VGLL3: variants seen among roughly 807,000 people sequenced by gnomAD.
The protein encoded by VGLL3 is vestigial like family member 3.
A neutral mutation model predicts 29.2 loss-of-function variants in VGLL3; 18 were observed. That is an observed-to-expected ratio of 0.62 (90% CI 0.43 to 0.91). VGLL3 has a LOEUF of 0.91. Ranked by LOEUF, VGLL3 falls within the 40% of genes least tolerant of loss-of-function variation. The pLI is 0.00. For synonymous variants in VGLL3, 180 were observed against 151.8 expected (o/e 1.19, Z -1.36); for missense variants, 440 against 413.2 (o/e 1.06, Z -0.56).
At position 86,943,566 on chromosome 3, in the gene VGLL3, ACTC is replaced by A. The variant is rs1177980379; in HGVS notation, c.*3455_*3457del. 1 of 152,018 alleles carries A rather than the reference ACTC, an allele frequency of 6.6e-6. No individual in the cohort carries two copies. The highest frequency in any genetic ancestry group is 2.4e-5 in the African/African-American group (1 of 41,380). The allele number at this position is 152,018 out of a possible 1,614,324, so 9.4% of individuals were successfully genotyped here. ...TAAATCCCTCAATTATTTGCAATCC[ACTC>A]CTCATTTTGCAAATTTTAGAGCAAT... On this transcript the variant is annotated 3_prime_UTR_variant, in exon 4 of 4. Transcript: ENST00000398399.
chr3:86,956,429 T>C (rs865846196), intron 3 of VGLL3, among the ~76,000 whole-genome samples: 1 of 152,198 alleles, frequency 6.6e-6, no homozygotes, highest in Non-Finnish European at 1.5e-5. Context: ...AGCTAGTTGA[T>C]GACAACTCCT....
At chr3:86,963,456 T>C (rs574701629) in intron 3 of VGLL3, among the ~76,000 whole-genome samples, 3 of 152,204 alleles carry the variant, frequency 2.0e-5, no homozygotes, top group Non-Finnish European at 4.4e-5. Flanking sequence ...GAGTTATTCC[T>C]AAGAGGAATA....
At chr3:86,958,767 T>C (rs1704777903) in intron 3 of VGLL3, among the ~76,000 whole-genome samples, 1 of 152,190 alleles carries the variant, frequency 6.6e-6, no homozygotes, top group African/African-American at 2.4e-5. Flanking sequence ...TTTGCATGCA[T>C]CTCAAAGATG....
Position 86,946,638 on chromosome 3 carries a change from A to G in VGLL3, c.*386T>C, listed in dbSNP as rs1444339762. On this transcript the variant is annotated 3_prime_UTR_variant, in exon 4 of 4. Transcript: ENST00000398399. ...TGTATTTCTACAAAAATAGATGCAC[A>G]TAGAGCTACAAACTTGTATTCCTGA... The G allele has an allele frequency of 1.2e-5, 2 of 160,682 alleles. No homozygotes were observed. Among genetic ancestry groups the G allele is most frequent in the Non-Finnish European group, 2.7e-5 (2 of 73,856 alleles). The allele number at this position is 160,682 out of a possible 1,614,324, so 10.0% of individuals were successfully genotyped here.
Position 86,989,577 on chromosome 3 carries a change from G to T in VGLL3, c.126+1041C>A, listed in dbSNP as rs180937323. ...TAACAGCCCAAACCTAAGAAGGTTTGCAATAAAACATGTGGTACCTAAGAA... is the reference window on the plus strand; with the variant it reads ...TAACAGCCCAAACCTAAGAAGGTTTTCAATAAAACATGTGGTACCTAAGAA... On this transcript the variant is annotated intron_variant, in intron 1 of 3. Transcript: ENST00000398399. 3.9e-5 allele frequency among the ~76,000 whole-genome samples: 6 copies of T among 152,278 alleles called. No homozygotes were observed. In the East Asian group the frequency reaches 1.2e-3, roughly 29 times the overall value.
At chr3:86,966,161 G>A (rs1704954991) in intron 3 of VGLL3, among the ~76,000 whole-genome samples, 1 of 151,992 alleles carries the variant, frequency 6.6e-6, no homozygotes. Context: ...CAAGGCTTAG[G>A]CCTTGGATTA....
chr3:86,976,873 T>A, intron 2 of VGLL3, among the ~76,000 whole-genome samples: 1 of 152,218 alleles, frequency 6.6e-6, no homozygotes. Flanking sequence ...CTGATTATCT[T>A]AATAGGATTC....
chr3:86,979,204 A>G (rs763949286), intron 1 of VGLL3, among the ~76,000 whole-genome samples: 3 of 152,260 alleles, frequency 2.0e-5, no homozygotes, highest in South Asian at 4.2e-4. Flanking sequence ...CAGCAGTGTT[A>G]TGGTTTAGGA....
chr3:86,983,311 C>T (rs2107063433), intron 1 of VGLL3, among the ~76,000 whole-genome samples: 1 of 152,238 alleles, frequency 6.6e-6, no homozygotes, highest in East Asian at 1.9e-4. Flanking sequence ...AAATCACTAT[C>T]CCAGGGTAAA....
At chr3:86,955,114 CA>C (rs367701141) in intron 3 of VGLL3, among the ~76,000 whole-genome samples, 38 of 150,268 alleles carry the variant, frequency 2.5e-4, no homozygotes, top group African/African-American at 3.4e-4. Context: ...ATTTCCTACC[CA>C]AAAAAAAAGT....
chr3:86,974,527 C>T (rs975452852), intron 2 of VGLL3, among the ~76,000 whole-genome samples: 4 of 152,126 alleles, frequency 2.6e-5, no homozygotes, highest in African/African-American at 7.2e-5. Flanking sequence ...AATACATATA[C>T]TTCCTATCAT....
intron 3 of VGLL3, among the ~76,000 whole-genome samples, chr3:86,954,245 C>T (rs1472175942): frequency 1.3e-5 from 2 of 152,160 alleles, no homozygotes; most frequent in Non-Finnish European, 2.9e-5. Flanking sequence ...TACTAGAAAA[C>T]CATAATCCAC....
Position 86,942,504 on chromosome 3 carries a change from C to T in VGLL3, c.*4520G>A, listed in dbSNP as rs1022485088. 1 of 151,852 alleles carries T rather than the reference C, an allele frequency of 6.6e-6. No homozygotes were observed. Among genetic ancestry groups the T allele is most frequent in the Non-Finnish European group, 1.5e-5 (1 of 67,970 alleles). The allele number at this position is 151,852 out of a possible 1,614,324, so 9.4% of individuals were successfully genotyped here. On this transcript the variant is annotated 3_prime_UTR_variant, in exon 4 of 4. Coordinates refer to ENST00000398399, the MANE Select transcript of VGLL3 (RefSeq NM_016206.4). ...TCCACCATATTTTCCAACTTTCCTT[C>T]AAGTCAAGTAAAAATAAAAAAAAAT...
At chr3:86,971,444 G>A (rs1440714387) in intron 2 of VGLL3, among the ~76,000 whole-genome samples, 6 of 152,062 alleles carry the variant, frequency 3.9e-5, no homozygotes, top group Non-Finnish European at 7.4e-5. Context: ...CATCTCCATC[G>A]ATCTCAAAAC....
In VGLL3 at chr3:86,946,926, CT is replaced by C; in HGVS notation, c.*97del. The stretch of plus-strand genomic sequence containing the variant: ...GACACTTTGTCTTCTCCTTCTATGC[CT>C]TTCGTGTCCTATTGCTGAATGGAAA... On this transcript the variant is annotated 3_prime_UTR_variant, in exon 4 of 4. Coordinates refer to ENST00000398399, the MANE Select transcript of VGLL3 (RefSeq NM_016206.4). 1.3e-6 allele frequency: 1 copy of C among 745,606 alleles called. No homozygotes were observed. The allele number at this position is 745,606 out of a possible 1,614,324, so 46.2% of individuals were successfully genotyped here.
chr3:86,988,714 A>AAAGAAATTTTGAACAAGCCATTTTAGT (rs59729884), intron 1 of VGLL3, among the ~76,000 whole-genome samples: 12 of 115,708 alleles, frequency 1.0e-4, no homozygotes, highest in East Asian at 5.2e-4. Context: ...GAAAAAGAAG[A>AAAGAAATTTTGAACAAGCCATTTTAGT]AAAAGCAACA....
intron 3 of VGLL3, among the ~76,000 whole-genome samples, chr3:86,956,424 G>A (rs77751815): frequency 7.2e-4 from 110 of 152,322 alleles, no homozygotes; most frequent in African/African-American, 2.5e-3. Context: ...ACCGCAGCTA[G>A]TTGATGACAA....
At chr3:86,965,354 G>A (rs557895639) in intron 3 of VGLL3, among the ~76,000 whole-genome samples, 3 of 152,068 alleles carry the variant, frequency 2.0e-5, no homozygotes, top group East Asian at 1.9e-4. Context: ...ACCCAATATC[G>A]ATGCTGAGTT....
chr3:86,957,616 A>G (rs993294193), intron 3 of VGLL3, among the ~76,000 whole-genome samples: 1 of 152,170 alleles, frequency 6.6e-6, no homozygotes, highest in African/African-American at 2.4e-5. Context: ...AATGCAGCTA[A>G]TAAGTGGTGA....
Sources: gnomAD v4.1 joint callset for allele counts (sites outside exome capture counted in the v4.1 genomes callset) on GRCh38, gnomAD v4.1.1 for gene constraint, MANE v1.5 for transcripts, NCBI Gene and HGNC (gene_info 2026-07-23, HGNC 2026-07-21) for gene names.